Variants in OXR1 observed in about 807,000 individuals in gnomAD.
OXR1 encodes oxidation resistance protein 1.
A neutral mutation model predicts 104.6 loss-of-function variants in OXR1; 41 were observed. The observed-to-expected ratio is 0.39, with a 90% CI of 0.31 to 0.51. The LOEUF is 0.51. Among genes scored for constraint, OXR1 ranks in the 20% least tolerant of loss-of-function variants. OXR1 has a pLI of 0.77. For missense variants in OXR1, 955 were observed against 1,031.9 expected (o/e 0.93, Z 1.02); for synonymous variants, 348 against 348.4 (o/e 1.00, Z 0.01).
At chr8:106,337,486 C>G (rs1261412293) in intron 1 of OXR1, among the ~76,000 whole-genome samples, 1 of 152,086 alleles carries the variant, frequency 6.6e-6, no homozygotes, top group African/African-American at 2.4e-5. Flanking sequence ...TTCAAATGGC[C>G]AGACGAGGAT....
chr8:106,732,711 C>T (rs918076779), intron 11 of OXR1, among the ~76,000 whole-genome samples: 1 of 152,050 alleles, frequency 6.6e-6, no homozygotes, highest in Non-Finnish European at 1.5e-5. Context: ...ACCAGTCTTG[C>T]GTAGGTGGGA....
intron 1 of OXR1, among the ~76,000 whole-genome samples, chr8:106,274,602 C>CCG (rs1554616305): frequency 3.7e-5 from 4 of 107,366 alleles, no homozygotes; most frequent in Non-Finnish European, 7.0e-5. Flanking sequence ...GCAACGCCAC[C>CCG]CCCCCCCCGA....
chr8:106,458,555 A>G (rs1179889897), intron 2 of OXR1, among the ~76,000 whole-genome samples: 3 of 152,060 alleles, frequency 2.0e-5, no homozygotes, highest in Non-Finnish European at 4.4e-5. Flanking sequence ...AGCAATACCT[A>G]GTGGAGCCAT....
chr8:106,726,264 GA>G (rs1464539317), intron 11 of OXR1: 8 of 1,525,964 alleles, frequency 5.2e-6, no homozygotes, highest in South Asian at 2.4e-5. Context: ...TCTGGTATGG[GA>G]AAAAAGGGAG....
intron 3 of OXR1, among the ~76,000 whole-genome samples, chr8:106,633,468 A>G (rs1412086061): frequency 1.3e-5 from 2 of 152,160 alleles, no homozygotes; most frequent in Non-Finnish European, 2.9e-5. Context: ...TACTCTTTGT[A>G]TCATTAAAGT....
chr8:106,460,583 T>C (rs991855086), intron 2 of OXR1, among the ~76,000 whole-genome samples: 4 of 152,198 alleles, frequency 2.6e-5, no homozygotes, highest in Non-Finnish European at 5.9e-5. Context: ...GCCTCATGCC[T>C]GGGCAAAACC....
At chr8:106,406,933 TAAAA>T (rs1563758954) in intron 2 of OXR1, among the ~76,000 whole-genome samples, 4 of 151,720 alleles carry the variant, frequency 2.6e-5, no homozygotes, top group African/African-American at 9.7e-5. Flanking sequence ...TTCTTGCTGT[TAAAA>T]GTAATAGCAA....
intron 11 of OXR1, among the ~76,000 whole-genome samples, chr8:106,727,109 C>T (rs1385879713): frequency 6.6e-6 from 1 of 151,990 alleles, no homozygotes; most frequent in Non-Finnish European, 1.5e-5. Flanking sequence ...TTATATGTTA[C>T]ATCAGCACAG....
chr8:106,482,303 C>T (rs1334999947), intron 2 of OXR1, among the ~76,000 whole-genome samples: 1 of 151,016 alleles, frequency 6.6e-6, no homozygotes, highest in Non-Finnish European at 1.5e-5. Flanking sequence ...GAACGAAGAG[C>T]AAGAATTAAA....
chr8:106,541,455 A>G (rs556698780), intron 3 of OXR1, among the ~76,000 whole-genome samples: 6 of 152,332 alleles, frequency 3.9e-5, no homozygotes, highest in East Asian at 3.9e-4. Flanking sequence ...TATTGTTTAC[A>G]TTAACCTCTA....
chr8:106,290,715 G>A (rs149108351), intron 1 of OXR1, among the ~76,000 whole-genome samples: 14 of 152,128 alleles, frequency 9.2e-5, no homozygotes, highest in East Asian at 1.9e-4. Flanking sequence ...ACTAATCAGC[G>A]TAGAAATAAA....
At chr8:106,612,262 A>G (rs1371068978) in intron 3 of OXR1, among the ~76,000 whole-genome samples, 3 of 152,206 alleles carry the variant, frequency 2.0e-5, no homozygotes, top group Non-Finnish European at 4.4e-5. Flanking sequence ...AAACTGGAGA[A>G]GAAAATAATA....
At chr8:106,287,656 C>A (rs1180293871) in intron 1 of OXR1, among the ~76,000 whole-genome samples, 22 of 146,588 alleles carry the variant, frequency 1.5e-4, no homozygotes, top group East Asian at 4.0e-4. Context: ...CATCCCATTT[C>A]AAAAAAAAAA....
At chr8:106,358,474 C>T (rs1287739597) in intron 1 of OXR1, among the ~76,000 whole-genome samples, 3 of 152,292 alleles carry the variant, frequency 2.0e-5, no homozygotes, top group Middle Eastern at 3.4e-3. Context: ...AACACTTTCC[C>T]TATTTTATTG....
At position 106,436,529 on chromosome 8, in the gene OXR1, A is replaced by C. The variant is rs576974168; in HGVS notation, c.23+76893A>C. ...GAGTGTTTTGTGCCTATGCAAAAAA[A>C]AAAAATGAAGATGAGAAGTTTTCTT... On this transcript the variant is annotated intron_variant, in intron 2 of 16. Coordinates refer to ENST00000517566, the MANE Select transcript of OXR1 (RefSeq NM_001198533.2). Among the ~76,000 whole-genome samples, 7 of 152,150 alleles carry C rather than the reference A, an allele frequency of 4.6e-5. No homozygotes were observed. In the East Asian group the frequency reaches 1.4e-3, roughly 29 times the overall value.
At chr8:106,431,859 G>T (rs927074605) in intron 2 of OXR1, among the ~76,000 whole-genome samples, 1 of 152,150 alleles carries the variant, frequency 6.6e-6, no homozygotes, top group Non-Finnish European at 1.5e-5. Flanking sequence ...GCAAACATTT[G>T]ATAACCTAAA....
intron 2 of OXR1, among the ~76,000 whole-genome samples, chr8:106,448,241 A>G (rs73309235): frequency 0.051 from 7,778 of 152,254 alleles, 649 homozygotes; most frequent in African/African-American, 0.18. Context: ...AACAAGGCAG[A>G]CTGCCGAAAA....
chr8:106,373,327 CT>C (rs1816783219), intron 2 of OXR1, among the ~76,000 whole-genome samples: 1 of 152,032 alleles, frequency 6.6e-6, no homozygotes, highest in African/African-American at 2.4e-5. Context: ...AACTTTAAGG[CT>C]AATTTCAATA....
At chr8:106,587,355 G>A (rs188184589) in intron 3 of OXR1, among the ~76,000 whole-genome samples, 1 of 152,082 alleles carries the variant, frequency 6.6e-6, no homozygotes, top group African/African-American at 2.4e-5. Context: ...TGCAGGGAAA[G>A]AACAAATGGC....
Sources: gnomAD v4.1 joint callset for allele counts (sites outside exome capture counted in the v4.1 genomes callset) on GRCh38, gnomAD v4.1.1 for gene constraint, MANE v1.5 for transcripts, NCBI Gene and HGNC (gene_info 2026-07-23, HGNC 2026-07-21) for gene names.